The following MAPT variants were observed in gnomAD, a reference collection of about 807,000 sequenced individuals.
The protein encoded by MAPT is microtubule-associated protein tau.
MAPT carries 34 observed loss-of-function variants against 67.9 expected under a neutral mutation model. The observed-to-expected ratio is 0.50, with a 90% CI of 0.38 to 0.67. The LOEUF is 0.67. Among genes scored for constraint, MAPT ranks in the 30% least tolerant of loss-of-function variants. The pLI, the probability that MAPT is intolerant of heterozygous loss-of-function variation, is 0.00. For missense variants in MAPT, 881 were observed against 1,115.2 expected, an observed-to-expected ratio of 0.79 and a Z score of 2.99; for synonymous variants, 456 against 464.5, an observed-to-expected ratio of 0.98 and a Z score of 0.23.
chr17:45,973,782 C>G (rs1246603891), intron 3 of MAPT: 1 of 153,142 alleles, frequency 6.5e-6, no homozygotes, highest in Non-Finnish European at 1.5e-5. Context: ...ACCCATCCAA[C>G]AGTCAAATGC....
At chr17:45,910,679 A>C (rs2064716322) in intron 1 of MAPT, 2 of 151,954 alleles carry the variant, frequency 1.3e-5, no homozygotes, top group African/African-American at 4.8e-5. Flanking sequence ...AAAAAAAAAA[A>C]AAAAAAACTA....
At chr17:45,993,826 C>G (rs2074260421) in intron 8 of MAPT, 1 of 1,294,790 alleles carries the variant, frequency 7.7e-7, no homozygotes, top group Non-Finnish European at 1.1e-6. Flanking sequence ...AATGGGGCCC[C>G]TGCTGGGCCA....
At chr17:46,000,880 T>C (rs1423947030) in intron 9 of MAPT, among the ~76,000 whole-genome samples, 1 of 152,226 alleles carries the variant, frequency 6.6e-6, no homozygotes, top group Non-Finnish European at 1.5e-5. Flanking sequence ...CCCGCCCTGT[T>C]TGGCCTGCGG....
At position 45,996,712 on chromosome 17, in the gene MAPT, G is replaced by T. The variant is rs1353099524; in HGVS notation, c.1998+48G>T. On this transcript the variant is annotated intron_variant, in intron 9 of 12. Coordinates refer to ENST00000262410, the MANE Select transcript of MAPT (RefSeq NM_001377265.1). The surrounding 1 kb of genome is among the most constrained non-coding windows in gnomAD (Gnocchi z 4.5). ...GGAGGTGTGGGGGGCTGCGCCTGGA[G>T]GGGTAGGGCTGTGCCTGGAAGGGTA... 1.2e-6 allele frequency: 2 copies of T among 1,604,784 alleles called. No individual in the cohort carries two copies. Among genetic ancestry groups the T allele is most frequent in the East Asian group, 2.2e-5 (1 of 44,656 alleles).
At chr17:45,940,345 A>C (rs1167691417) in intron 1 of MAPT, among the ~76,000 whole-genome samples, 2 of 152,186 alleles carry the variant, frequency 1.3e-5, no homozygotes, top group Non-Finnish European at 2.9e-5. Context: ...ACCACTGACA[A>C]GCTGTGTGTC....
intron 1 of MAPT, among the ~76,000 whole-genome samples, chr17:45,945,992 T>A (rs2145012193): frequency 6.6e-6 from 1 of 152,280 alleles, no homozygotes; most frequent in Non-Finnish European, 1.5e-5. Flanking sequence ...CTTTTCTCTT[T>A]TATAATTTTG....
intron 3 of MAPT, chr17:45,974,222 C>A: frequency 1.5e-6 from 1 of 653,752 alleles, no homozygotes; most frequent in Non-Finnish European, 2.8e-6. Context: ...TCCTGGGGAG[C>A]TGGTAGCAGG....
At chr17:45,982,790 CCAGG>C in intron 4 of MAPT, 72 bp from the exon 5 acceptor site, 3 of 769,106 alleles carry the variant, frequency 3.9e-6, no homozygotes, top group Non-Finnish European at 4.9e-6. Context: ...GTCATTTTGT[CCAGG>C]ATGATGCTCC....
chr17:45,918,797 C>T (rs2065423011), intron 1 of MAPT, among the ~76,000 whole-genome samples: 1 of 152,172 alleles, frequency 6.6e-6, no homozygotes, highest in African/African-American at 2.4e-5. Flanking sequence ...GTGGCTCACG[C>T]CTGTAATCCC....
Position 45,983,017 on chromosome 17 carries a change from G to A in MAPT, c.438G>A (p.Pro146=), listed in dbSNP as rs3744459. 11 of 1,465,008 alleles carry A rather than the reference G, an allele frequency of 7.5e-6. No homozygotes were observed. In the East Asian group the frequency reaches 1.5e-4, roughly 20 times the overall value. 90.8% of individuals were successfully genotyped at this position (1,465,008 alleles called of 1,614,324 possible). A position where few individuals can be genotyped will look rare whatever the true frequency, so the allele number is the denominator to read the frequency against. ...AGAAAGAGCCAGAAGCTCCCGTCCC[G>A]CTGACCGCGAGCCTTCCTCAGCACC... ...LGEKEPEAPV[P]LTASLPQHRP... is the part of the protein sequence containing the mutation. Residue 146 remains proline, a synonymous_variant, in exon 5 of 13, where the codon CCG becomes CCA. Transcript: ENST00000262410.
At chr17:45,914,904 A>G (rs1451986188) in intron 1 of MAPT, among the ~76,000 whole-genome samples, 1 of 151,444 alleles carries the variant, frequency 6.6e-6, no homozygotes, top group Non-Finnish European at 1.5e-5. Context: ...TTTAATCAAG[A>G]TGGAGTTTTT....
intron 8 of MAPT, chr17:45,993,949 A>AC: frequency 6.4e-7 from 1 of 1,574,312 alleles, no homozygotes; most frequent in African/African-American, 1.4e-5. Flanking sequence ...AGAGAAGACC[A>AC]CCCCCTGCAG....
At position 46,027,674 on chromosome 17, in the gene MAPT, T is replaced by C. The variant is rs1341265940; in HGVS notation, c.*3503T>C. 2 of 152,222 alleles carry C rather than the reference T, an allele frequency of 1.3e-5. No individual in the cohort carries two copies. Among genetic ancestry groups the C allele is most frequent in the Non-Finnish European group, 2.9e-5 (2 of 68,090 alleles). 9.4% of individuals were successfully genotyped at this position (152,222 alleles called of 1,614,324 possible). Reference sequence around the variant, plus strand: ...CTAGAGGGAGGGAGCAGCCACGGAGTTAGAGGCCCTTGGGGTTTCTCTTTT... The same window carrying C: ...CTAGAGGGAGGGAGCAGCCACGGAGCTAGAGGCCCTTGGGGTTTCTCTTTT... On this transcript the variant is annotated 3_prime_UTR_variant, in exon 13 of 13. Transcript: ENST00000262410.
chr17:45,955,325 C>T (rs2069517272), intron 1 of MAPT, among the ~76,000 whole-genome samples: 1 of 152,250 alleles, frequency 6.6e-6, no homozygotes, highest in South Asian at 2.1e-4. Flanking sequence ...CTCAAATACA[C>T]TTCTTGGCTC....
At position 45,983,293 on chromosome 17, in the gene MAPT, C is replaced by T; in HGVS notation, c.714C>T (p.Pro238=). 2 of 1,599,294 alleles carry T rather than the reference C, an allele frequency of 1.3e-6. No homozygotes were observed. The highest frequency in any genetic ancestry group is 1.7e-6 in the Non-Finnish European group (2 of 1,173,482). Reference sequence around the variant, plus strand: ...GGGCTCCCCTCCTGCCTGAGGGCCCCAGAGAGGCCACACGCCAACCTTCGG... The same window carrying T: ...GGGCTCCCCTCCTGCCTGAGGGCCCTAGAGAGGCCACACGCCAACCTTCGG... ...MPGAPLLPEG[P]REATRQPSGT... The change falls in exon 5 of 13, where the codon CCC becomes CCT. Residue 238 remains proline, a synonymous_variant. Coordinates refer to ENST00000262410, the MANE Select transcript of MAPT (RefSeq NM_001377265.1).
At chr17:46,005,907 A>T (rs866876381) in intron 9 of MAPT, among the ~76,000 whole-genome samples, 4 of 152,230 alleles carry the variant, frequency 2.6e-5, no homozygotes, top group Admixed American at 1.3e-4. Flanking sequence ...TGTGGCTACA[A>T]ACTCTGAGAT....
chr17:45,917,997 C>T (rs1418360129), intron 1 of MAPT, among the ~76,000 whole-genome samples: 1 of 152,198 alleles, frequency 6.6e-6, no homozygotes, highest in Non-Finnish European at 1.5e-5. Context: ...TGGTCTCAAA[C>T]TCCTGACCTC....
At position 45,983,011 on chromosome 17, in the gene MAPT, C is replaced by T; in HGVS notation, c.432C>T (p.Pro144=). ...PCLGEKEPEA[P]VPLTASLPQH... Reference sequence around the variant, plus strand: ...TCGGGGAGAAAGAGCCAGAAGCTCCCGTCCCGCTGACCGCGAGCCTTCCTC... The same window carrying T: ...TCGGGGAGAAAGAGCCAGAAGCTCCTGTCCCGCTGACCGCGAGCCTTCCTC... The change falls in exon 5 of 13, where the codon CCC becomes CCT. Residue 144 remains proline, a synonymous_variant. Coordinates refer to ENST00000262410, the MANE Select transcript of MAPT (RefSeq NM_001377265.1). 6 of 1,458,988 alleles carry T rather than the reference C, an allele frequency of 4.1e-6. No homozygotes were observed. The highest frequency in any genetic ancestry group is 2.5e-5 in the Admixed American group (1 of 39,872). 90.4% of individuals were successfully genotyped at this position (1,458,988 alleles called of 1,614,324 possible).
chr17:45,913,369 T>A (rs1324873960), intron 1 of MAPT, among the ~76,000 whole-genome samples: 1 of 152,170 alleles, frequency 6.6e-6, no homozygotes, highest in African/African-American at 2.4e-5. Context: ...TCCCACCAGA[T>A]CCCTCCCACA....
Sources: gnomAD v4.1 joint callset for allele counts (sites outside exome capture counted in the v4.1 genomes callset) on GRCh38, gnomAD v4.1.1 for gene constraint, Gnocchi (gnomAD v3.1) non-coding constraint, MANE v1.5 for transcripts, NCBI Gene and HGNC (gene_info 2026-07-23, HGNC 2026-07-21) for gene names.